The following MIS18A variants were observed in gnomAD, a reference collection of about 807,000 sequenced individuals.
The protein encoded by MIS18A is MIS18 kinetochore protein A.
Under a neutral mutation model 25.0 loss-of-function variants are expected in MIS18A, and 14 were observed. The ratio of observed to expected loss-of-function variants is 0.56; its 90% CI spans 0.37 to 0.88. The LOEUF (loss-of-function observed/expected upper bound fraction) is 0.88, where lower values mean the gene tolerates loss of function less well. Ranked by LOEUF, MIS18A falls within the 40% of genes least tolerant of loss-of-function variation. The pLI, the probability that MIS18A is intolerant of heterozygous loss-of-function variation, is 0.00. For missense variants in MIS18A, 292 were observed against 290.8 expected, an observed-to-expected ratio of 1.00 and a Z score of -0.03; for synonymous variants, 134 against 118.6, an observed-to-expected ratio of 1.13 and a Z score of -0.84.
the MIS18A span, chr21:32,260,084 C>CTTTTT: frequency 6.8e-5 from 8 of 116,982 alleles, 1 homozygote; most frequent in African/African-American, 1.6e-4. Context: ...TTTTTCTCAG[C>CTTTTT]TTTTTTTTTT....
At chr21:32,191,905 CA>C in the MIS18A span, among the ~76,000 whole-genome samples, 1 of 149,464 alleles carries the variant, frequency 6.7e-6, no homozygotes, top group African/African-American at 2.5e-5. Context: ...AACTTCATCT[CA>C]AAAAAAGAGA....
intron 2 of MIS18A, 32 bp from the exon 3 acceptor site, chr21:32,270,561 C>A: frequency 6.7e-7 from 1 of 1,493,432 alleles, no homozygotes; most frequent in South Asian, 1.4e-5. Context: ...CTTTAGGAAA[C>A]GAAGCAGCAA....
chr21:32,183,329 C>T, the MIS18A span, among the ~76,000 whole-genome samples: 2 of 152,208 alleles, frequency 1.3e-5, no homozygotes, highest in African/African-American at 4.8e-5. Flanking sequence ...AGCTGTGTAG[C>T]CTGTTTTGGT....
chr21:32,230,910 C>T, the MIS18A span, among the ~76,000 whole-genome samples: 1 of 152,170 alleles, frequency 6.6e-6, no homozygotes, highest in Admixed American at 6.5e-5. Flanking sequence ...ATATTTTGTG[C>T]TTTAAAGGAC....
the MIS18A span, among the ~76,000 whole-genome samples, chr21:32,239,622 C>T: frequency 3.9e-4 from 60 of 152,218 alleles, no homozygotes; most frequent in African/African-American, 1.3e-3. Flanking sequence ...CGAGCCGCCT[C>T]GGAAGAAAAA....
downstream of MIS18A, among the ~76,000 whole-genome samples, chr21:32,267,002 G>A (rs1355505166): frequency 6.6e-6 from 1 of 151,988 alleles, no homozygotes; most frequent in African/African-American, 2.4e-5. Context: ...ACGTTCTGAT[G>A]AGACCTCACA....
the MIS18A span, among the ~76,000 whole-genome samples, chr21:32,204,944 T>C: frequency 6.6e-6 from 1 of 151,806 alleles, no homozygotes; most frequent in Non-Finnish European, 1.5e-5. Context: ...CTATCAACAA[T>C]GAAGAACTGG....
At chr21:32,237,779 A>T in the MIS18A span, among the ~76,000 whole-genome samples, 1 of 152,132 alleles carries the variant, frequency 6.6e-6, no homozygotes, top group African/African-American at 2.4e-5. Flanking sequence ...TAATTATTTT[A>T]TTGTTAACAT....
At chr21:32,168,268 A>G in the MIS18A span, among the ~76,000 whole-genome samples, 1 of 152,318 alleles carries the variant, frequency 6.6e-6, no homozygotes, top group East Asian at 1.9e-4. Flanking sequence ...TAAGCCACTC[A>G]GTTTGTGATA....
chr21:32,218,999 C>G, the MIS18A span, among the ~76,000 whole-genome samples: 3 of 149,218 alleles, frequency 2.0e-5, no homozygotes, highest in African/African-American at 4.9e-5. Context: ...ACCCGGGAGG[C>G]AGAGGTTGCA....
At chr21:32,162,706 C>T in the MIS18A span, among the ~76,000 whole-genome samples, 1 of 152,122 alleles carries the variant, frequency 6.6e-6, no homozygotes, top group African/African-American at 2.4e-5. Flanking sequence ...TGGCATATCA[C>T]CAGTGTTCAA....
chr21:32,258,357 GC>G, the MIS18A span, among the ~76,000 whole-genome samples: 2 of 152,128 alleles, frequency 1.3e-5, no homozygotes, highest in East Asian at 3.9e-4. Context: ...GGGACGGGGG[GC>G]CTTGACTATT....
chr21:32,265,435 AG>A (rs1289247306), downstream of MIS18A, among the ~76,000 whole-genome samples: 1 of 152,216 alleles, frequency 6.6e-6, no homozygotes, highest in Non-Finnish European at 1.5e-5. Context: ...GCAGCCAGCC[AG>A]CCCTGCTGGC....
downstream of MIS18A, among the ~76,000 whole-genome samples, chr21:32,266,148 T>C (rs13048420): frequency 2.0e-5 from 3 of 150,008 alleles, no homozygotes; most frequent in Non-Finnish European, 4.5e-5. Context: ...CACCCTGTGT[T>C]TAGCTCAAGG....
At chr21:32,267,909 C>T (rs1053592812), downstream of MIS18A, among the ~76,000 whole-genome samples, 1 of 152,182 alleles carries the variant, frequency 6.6e-6, no homozygotes, top group Non-Finnish European at 1.5e-5. Flanking sequence ...AGGCTGTCGA[C>T]AATCTCTCAG....
the MIS18A span, among the ~76,000 whole-genome samples, chr21:32,250,672 A>C: frequency 6.6e-6 from 1 of 152,226 alleles, no homozygotes; most frequent in Non-Finnish European, 1.5e-5. Context: ...ATTTCTGTGT[A>C]GCCATCTAGA....
the MIS18A span, among the ~76,000 whole-genome samples, chr21:32,187,844 G>A: frequency 1.3e-5 from 2 of 152,148 alleles, no homozygotes; most frequent in African/African-American, 4.8e-5. Context: ...TGGACTGAAT[G>A]CCCCAAAATT....
the MIS18A span, among the ~76,000 whole-genome samples, chr21:32,244,497 G>T: frequency 6.6e-6 from 1 of 152,190 alleles, no homozygotes. Flanking sequence ...AACATTTTGG[G>T]AGGCCAAGGT....
chr21:32,192,069 T>G, the MIS18A span, among the ~76,000 whole-genome samples: 1 of 152,126 alleles, frequency 6.6e-6, no homozygotes, highest in Non-Finnish European at 1.5e-5. Flanking sequence ...AGGGAAGATA[T>G]CTCACCAAGT....
Sources: gnomAD v4.1 joint callset for allele counts (sites outside exome capture counted in the v4.1 genomes callset) on GRCh38, gnomAD v4.1.1 for gene constraint, MANE v1.5 for transcripts, NCBI Gene and HGNC (gene_info 2026-07-23, HGNC 2026-07-21) for gene names.